Variants in ROBO2 observed in about 807,000 individuals in gnomAD.
ROBO2 encodes the protein roundabout homolog 2.
A neutral mutation model predicts 160.8 loss-of-function variants in ROBO2; 53 were observed. The ratio of observed to expected loss-of-function variants is 0.33; its 90% confidence interval spans 0.26 to 0.41. The LOEUF is 0.41. ROBO2 is among the 10% of genes least tolerant of loss of function. ROBO2 has a pLI of 1.00. For missense variants in ROBO2, 1,577 were observed against 1,722.4 expected, an observed-to-expected ratio of 0.92 and a Z score of 1.49; for synonymous variants, 664 against 611.7, an observed-to-expected ratio of 1.09 and a Z score of -1.26.
chr3:77,415,456 A>T (rs1387483249), intron 2 of ROBO2, among the ~76,000 whole-genome samples: 1 of 152,188 alleles, frequency 6.6e-6, no homozygotes, highest in Admixed American at 6.5e-5. Flanking sequence ...CCTCTGCAAT[A>T]GTCCAGGCTA....
chr3:76,412,638 A>C (rs2108847387), intron 2 of ROBO2, among the ~76,000 whole-genome samples: 1 of 152,308 alleles, frequency 6.6e-6, no homozygotes, highest in South Asian at 2.1e-4. Flanking sequence ...ATCAAATGTT[A>C]AAGCTCCAAA....
chr3:76,015,370 C>T (rs2066378755), intron 2 of ROBO2, among the ~76,000 whole-genome samples: 2 of 152,180 alleles, frequency 1.3e-5, no homozygotes, highest in East Asian at 3.9e-4. Context: ...TGATGTTACA[C>T]AGATATTTGA....
intron 24 of ROBO2, 42 bp from the exon 26 acceptor site, chr3:77,642,629 A>T (rs775632499): frequency 9.3e-6 from 4 of 431,088 alleles, no homozygotes; most frequent in Non-Finnish European, 1.8e-5. Context: ...TGTATTTTTC[A>T]TTAAATTTTA....
chr3:77,616,634 T>C (rs527431134), intron 21 of ROBO2, among the ~76,000 whole-genome samples: 3 of 152,244 alleles, frequency 2.0e-5, no homozygotes, highest in African/African-American at 7.2e-5. Context: ...TATCCAATAA[T>C]ATTATTTATC....
chr3:77,157,843 G>A (rs1238385545), intron 2 of ROBO2, among the ~76,000 whole-genome samples: 1 of 152,008 alleles, frequency 6.6e-6, no homozygotes, highest in African/African-American at 2.4e-5. Flanking sequence ...ACATGTCAGT[G>A]CATATATATT....
chr3:76,018,179 G>A (rs923019761), intron 2 of ROBO2, among the ~76,000 whole-genome samples: 68 of 151,866 alleles, frequency 4.5e-4, no homozygotes, highest in African/African-American at 1.6e-3. Context: ...ACTATCTCTA[G>A]ATATACATAG....
chr3:76,367,088 T>C (rs189815257), intron 2 of ROBO2, among the ~76,000 whole-genome samples: 1 of 152,188 alleles, frequency 6.6e-6, no homozygotes, highest in East Asian at 1.9e-4. Context: ...AACTTGTTCC[T>C]TTTAATGTCA....
At chr3:76,968,490 T>A (rs1392387382) in intron 2 of ROBO2, among the ~76,000 whole-genome samples, 2 of 152,164 alleles carry the variant, frequency 1.3e-5, no homozygotes, top group Admixed American at 6.5e-5. Context: ...AATCAATAGT[T>A]AAGTTATTGT....
At chr3:76,677,315 A>G (rs948804593) in intron 2 of ROBO2, among the ~76,000 whole-genome samples, 4 of 152,122 alleles carry the variant, frequency 2.6e-5, no homozygotes, top group Non-Finnish European at 5.9e-5. Context: ...AGCCGCAGAA[A>G]ACAACTCCAT....
At chr3:76,369,975 C>A (rs151229066) in intron 2 of ROBO2, among the ~76,000 whole-genome samples, 4 of 151,972 alleles carry the variant, frequency 2.6e-5, no homozygotes, top group South Asian at 4.2e-4. Context: ...TTGCCAAGAA[C>A]AATATTTTTA....
chr3:76,661,377 A>T (rs1210634970), intron 2 of ROBO2, among the ~76,000 whole-genome samples: 1 of 152,194 alleles, frequency 6.6e-6, no homozygotes, highest in East Asian at 1.9e-4. Flanking sequence ...ATCTGAGATA[A>T]GTCTCTTGAT....
rs76843618 is a variant in ROBO2, at chr3:76,600,461, T to G, written c.110-497553T>G. 3.7e-3 allele frequency among the ~76,000 whole-genome samples: 565 copies of G among 152,322 alleles called. 5 individuals carry two copies. The highest frequency in any genetic ancestry group is 0.013 in the African/African-American group (544 of 41,562). On this transcript the variant is annotated intron_variant, in intron 2 of 26. Coordinates refer to the ROBO2 transcript ENST00000487694. ...AATTTATGAAAAAATGAGGTTTAAT[T>G]TGACTCATAGTTCCACATGGCTCGG...
At chr3:76,405,146 C>T (rs1340900204) in intron 2 of ROBO2, among the ~76,000 whole-genome samples, 1 of 151,362 alleles carries the variant, frequency 6.6e-6, no homozygotes, top group Non-Finnish European at 1.5e-5. Flanking sequence ...TGAGGAAGGC[C>T]TCTTTGATGG....
intron 2 of ROBO2, among the ~76,000 whole-genome samples, chr3:76,114,617 G>A (rs532143720): frequency 1.3e-5 from 2 of 152,078 alleles, no homozygotes; most frequent in East Asian, 3.9e-4. Flanking sequence ...GTTATGTAAT[G>A]TTCCCAATAT....
At chr3:76,354,301 T>C (rs1317551322) in intron 2 of ROBO2, among the ~76,000 whole-genome samples, 1 of 151,910 alleles carries the variant, frequency 6.6e-6, no homozygotes, top group East Asian at 1.9e-4. Context: ...AATACATACA[T>C]TCGTATAACC....
chr3:77,109,267 C>T (rs995881111), intron 2 of ROBO2, among the ~76,000 whole-genome samples: 17 of 152,100 alleles, frequency 1.1e-4, no homozygotes, highest in Admixed American at 5.9e-4. Context: ...TTTCAGCTGG[C>T]AAGATGAAAA....
intron 2 of ROBO2, among the ~76,000 whole-genome samples, chr3:77,135,570 T>C (rs2076215291): frequency 6.6e-6 from 1 of 151,836 alleles, no homozygotes; most frequent in Admixed American, 6.6e-5. Flanking sequence ...CCGGCTAATT[T>C]TTTTTTTTTT....
chr3:76,428,818 A>T (rs978864431), intron 2 of ROBO2, among the ~76,000 whole-genome samples: 6 of 152,138 alleles, frequency 3.9e-5, no homozygotes, highest in African/African-American at 1.2e-4. Context: ...TCACCTACTG[A>T]AGCTGGTTCC....
At chr3:77,098,455 T>A in intron 2 of ROBO2, 115 bp downstream of exon 2, 1 of 1,074,480 alleles carries the variant, frequency 9.3e-7, no homozygotes, top group Non-Finnish European at 1.4e-6. Context: ...ACTGCATAAT[T>A]TTACTTGGTC....
Sources: allele counts gnomAD v4.1 joint callset (sites outside exome capture counted in the v4.1 genomes callset), GRCh38; gene constraint gnomAD v4.1.1; transcripts MANE v1.5; gene names NCBI Gene and HGNC (gene_info 2026-07-23, HGNC 2026-07-21).